HMGXB4: variants seen among roughly 807,000 people sequenced by gnomAD.
HMGXB4 encodes HMG domain-containing protein 4.
In HMGXB4, 27 loss-of-function variants were observed where a neutral mutation model predicts 63.9. That is an observed-to-expected ratio of 0.42 (90% confidence interval 0.31 to 0.58). The LOEUF is 0.58. Ranked by LOEUF, HMGXB4 falls within the 20% of genes least tolerant of loss-of-function variation. HMGXB4 has a pLI of 0.13. For missense variants in HMGXB4, 624 were observed against 700.7 expected, an observed-to-expected ratio of 0.89 and a Z score of 1.24; for synonymous variants, 264 against 265.3, an observed-to-expected ratio of 0.99 and a Z score of 0.05.
chr22:35,279,003 C>T (rs1160051777), intron 5 of HMGXB4, among the ~76,000 whole-genome samples: 1 of 151,966 alleles, frequency 6.6e-6, no homozygotes, highest in African/African-American at 2.4e-5. Flanking sequence ...GCTATGATCG[C>T]ACCACTGCAC....
intron 5 of HMGXB4, among the ~76,000 whole-genome samples, chr22:35,280,840 ACT>A (rs1458839073): frequency 1.3e-5 from 2 of 151,610 alleles, no homozygotes; most frequent in Non-Finnish European, 2.9e-5. Context: ...CATCTACCCA[ACT>A]CTCTGGTTTA....
intron 9 of HMGXB4, among the ~76,000 whole-genome samples, chr22:35,290,056 A>G (rs1601644898): frequency 1.3e-5 from 2 of 152,388 alleles, no homozygotes; most frequent in South Asian, 2.1e-4. Flanking sequence ...GCAGTAGTCA[A>G]AAGAACTTCA....
intron 5 of HMGXB4, among the ~76,000 whole-genome samples, chr22:35,282,176 C>T (rs1022076941): frequency 6.6e-6 from 1 of 152,234 alleles, no homozygotes; most frequent in East Asian, 1.9e-4. Context: ...ACATTCATGT[C>T]ATATTTTTTG....
intron 9 of HMGXB4, among the ~76,000 whole-genome samples, chr22:35,289,348 A>G (rs533466061): frequency 1.3e-5 from 2 of 151,882 alleles, no homozygotes; most frequent in African/African-American, 4.8e-5. Flanking sequence ...AGTCCCAGCT[A>G]CTCGGAAGGC....
At chr22:35,242,775 G>C in the HMGXB4 span, among the ~76,000 whole-genome samples, 1 of 151,648 alleles carries the variant, frequency 6.6e-6, no homozygotes, top group South Asian at 2.1e-4. Context: ...TTTCCCTCTC[G>C]GCCCGCCTTT....
At chr22:35,277,913 G>C (rs987540629) in intron 5 of HMGXB4, among the ~76,000 whole-genome samples, 3 of 152,048 alleles carry the variant, frequency 2.0e-5, no homozygotes, top group Admixed American at 6.6e-5. Flanking sequence ...CATTGGTATT[G>C]TCCATTCTGT....
the HMGXB4 span, among the ~76,000 whole-genome samples, chr22:35,242,742 A>T: frequency 6.6e-6 from 1 of 151,762 alleles, no homozygotes; most frequent in Non-Finnish European, 1.5e-5. Context: ...CTCTTTTCTA[A>T]TGTATTCATT....
At chr22:35,289,523 A>C (rs1924804357) in intron 9 of HMGXB4, among the ~76,000 whole-genome samples, 1 of 152,174 alleles carries the variant, frequency 6.6e-6, no homozygotes, top group African/African-American at 2.4e-5. Flanking sequence ...AGCAGTTTTG[A>C]TTACTTCTGT....
At chr22:35,263,031 T>C in intron 2 of HMGXB4, 47 bp from the exon 3 acceptor site, 1 of 1,579,476 alleles carries the variant, frequency 6.3e-7, no homozygotes, top group African/African-American at 1.4e-5. Context: ...GGTCATTACT[T>C]ACTTGACTTT....
At position 35,279,132 on chromosome 22, in the gene HMGXB4, C is replaced by CTTTTTTT. The variant is rs551006065; in HGVS notation, c.1216-4805_1216-4799dup. Reference sequence around the variant, plus strand: ...TATTTTCTCACAGTCTATGGATTGTCTTTTTTTTTTTTTTTTTTTTTTTTT... The same window carrying CTTTTTTT: ...TATTTTCTCACAGTCTATGGATTGTCTTTTTTTTTTTTTTTTTTTTTTTTTTTTTTTT... On this transcript the variant is annotated intron_variant, in intron 5 of 10. Transcript: ENST00000216106. 6.9e-4 allele frequency among the ~76,000 whole-genome samples: 35 copies of CTTTTTTT among 50,828 alleles called. 2 individuals are homozygous for CTTTTTTT. Among genetic ancestry groups the CTTTTTTT allele is most frequent in the African/African-American group, 1.4e-3 (15 of 10,960 alleles). The allele number at this position is 50,828 out of a possible 152,430, so 33.3% of individuals were successfully genotyped here. A position where few individuals can be genotyped will look rare whatever the true frequency, so the allele number is the denominator to read the frequency against.
chr22:35,274,143 G>T (rs767793291), intron 5 of HMGXB4, among the ~76,000 whole-genome samples: 1 of 152,176 alleles, frequency 6.6e-6, no homozygotes, highest in Non-Finnish European at 1.5e-5. Flanking sequence ...CAGAGGCATG[G>T]GCGCGGAGTA....
the HMGXB4 span, among the ~76,000 whole-genome samples, chr22:35,242,841 T>C: frequency 7.9e-5 from 12 of 152,218 alleles, no homozygotes; most frequent in African/African-American, 2.7e-4. Flanking sequence ...CAGTTTAAGG[T>C]ACTTGTTCAT....
intron 6 of HMGXB4, 143 bp from the exon 7 acceptor site, chr22:35,285,854 G>A (rs1924543861): frequency 1.7e-6 from 1 of 601,750 alleles, no homozygotes; most frequent in Non-Finnish European, 2.9e-6. Flanking sequence ...AGAGTGATGG[G>A]ATTGGGGTTG....
chr22:35,291,590 C>T (rs935583974), intron 9 of HMGXB4, among the ~76,000 whole-genome samples: 1 of 152,264 alleles, frequency 6.6e-6, no homozygotes, highest in Non-Finnish European at 1.5e-5. Context: ...GGAAATGGAA[C>T]AATATTACTA....
At chr22:35,273,699 A>C (rs1923740027) in intron 5 of HMGXB4, among the ~76,000 whole-genome samples, 1 of 152,216 alleles carries the variant, frequency 6.6e-6, no homozygotes, top group Non-Finnish European at 1.5e-5. Context: ...ACCTTTAGGA[A>C]CCAAATCTGT....
chr22:35,247,557 C>A, the HMGXB4 span, among the ~76,000 whole-genome samples: 1 of 152,168 alleles, frequency 6.6e-6, no homozygotes, highest in Non-Finnish European at 1.5e-5. Context: ...TCCCCAAACT[C>A]CCCACTCCAT....
intron 2 of HMGXB4, chr22:35,262,667 C>T: frequency 1.8e-6 from 1 of 560,598 alleles, no homozygotes; most frequent in Non-Finnish European, 3.2e-6. Context: ...TGATCCCCTG[C>T]AGCACTCTTG....
chr22:35,262,555 C>A, intron 2 of HMGXB4, 134 bp downstream of exon 2: 1 of 918,928 alleles, frequency 1.1e-6, no homozygotes, highest in Non-Finnish European at 1.8e-6. Flanking sequence ...TGTTATGACA[C>A]TCAGCCTCCA....
intron 5 of HMGXB4, among the ~76,000 whole-genome samples, chr22:35,278,989 G>A (rs1924073618): frequency 6.6e-6 from 1 of 151,980 alleles, no homozygotes; most frequent in Admixed American, 6.5e-5. Context: ...CAAGACTGTA[G>A]TGAGCTATGA....
Sources: allele counts gnomAD v4.1 joint callset (sites outside exome capture counted in the v4.1 genomes callset), GRCh38; gene constraint gnomAD v4.1.1; transcripts MANE v1.5; gene names NCBI Gene and HGNC (gene_info 2026-07-23, HGNC 2026-07-21).